Variants in GIGYF2 observed in about 807,000 individuals in gnomAD.
GIGYF2 encodes the protein GRB10 interacting GYF protein 2.
A neutral mutation model predicts 208.1 loss-of-function variants in GIGYF2; 25 were observed. The observed-to-expected ratio is 0.12, with a 90% CI of 0.09 to 0.17. GIGYF2 has a LOEUF of 0.17. Among genes scored for constraint, GIGYF2 ranks in the 10% least tolerant of loss-of-function variants. The pLI is 1.00. For missense variants in GIGYF2, 1,302 were observed against 1,579.4 expected, an observed-to-expected ratio of 0.82 and a Z score of 2.98; for synonymous variants, 534 against 543.8, an observed-to-expected ratio of 0.98 and a Z score of 0.25.
chr2:232,835,085 C>T (rs535583001), intron 22 of GIGYF2, among the ~76,000 whole-genome samples: 8 of 152,134 alleles, frequency 5.3e-5, no homozygotes, highest in Admixed American at 1.3e-4. Flanking sequence ...TGAGAACATG[C>T]AGTATTTGAC....
chr2:232,731,153 T>C (rs189512393), intron 2 of GIGYF2: 8 of 152,324 alleles, frequency 5.3e-5, no homozygotes, highest in Admixed American at 5.2e-4. Context: ...TCGTTTATAT[T>C]TCAAGACTGC....
intron 8 of GIGYF2, among the ~76,000 whole-genome samples, chr2:232,780,355 A>G (rs879643784): frequency 1.3e-5 from 2 of 152,218 alleles, no homozygotes; most frequent in Non-Finnish European, 2.9e-5. Flanking sequence ...GGGAAATTGT[A>G]TATGTAGTAC....
intron 2 of GIGYF2, among the ~76,000 whole-genome samples, chr2:232,731,660 G>C (rs1163239088): frequency 6.6e-6 from 1 of 152,212 alleles, no homozygotes; most frequent in East Asian, 1.9e-4. Context: ...TGTAAGCAGT[G>C]ATGCCTGTTT....
chr2:232,784,959 ACATACTTGCTCT>A (rs1362134761), intron 8 of GIGYF2, among the ~76,000 whole-genome samples: 2 of 152,028 alleles, frequency 1.3e-5, no homozygotes, highest in Non-Finnish European at 2.9e-5. Context: ...TCACCATGTG[ACATACTTGCTCT>A]CACTTCACCT....
At chr2:232,797,620 C>T (rs1375267629) in intron 14 of GIGYF2, among the ~76,000 whole-genome samples, 1 of 151,926 alleles carries the variant, frequency 6.6e-6, no homozygotes, top group Non-Finnish European at 1.5e-5. Flanking sequence ...ACAGCTTCCC[C>T]TGGTGGTAAC....
intron 8 of GIGYF2, among the ~76,000 whole-genome samples, chr2:232,779,539 G>A (rs1029206961): frequency 6.6e-6 from 1 of 152,160 alleles, no homozygotes; most frequent in Non-Finnish European, 1.5e-5. Flanking sequence ...AGTGTACTTG[G>A]CTTTCTTTTG....
chr2:232,706,897 G>T (rs1370605038), intron 2 of GIGYF2, among the ~76,000 whole-genome samples: 3 of 149,352 alleles, frequency 2.0e-5, no homozygotes, highest in Non-Finnish European at 4.4e-5. Flanking sequence ...ACTGAGCCGT[G>T]ATTGCACCAC....
At position 232,817,070 on chromosome 2, in the gene GIGYF2, T is replaced by C. The variant is rs533331881; in HGVS notation, c.2370+38T>C. The stretch of plus-strand genomic sequence containing the variant: ...GAACTCTGACCATAGGATTAGTGCT[T>C]GATGAGGGCTTTCAGGCTGCTTTCT... On this transcript the variant is annotated intron_variant, in intron 20 of 28. Transcript: ENST00000373563. 4 of 1,453,998 alleles carry C rather than the reference T, an allele frequency of 2.8e-6. No homozygotes were observed. The South Asian group carries it at 4.5e-5, about 17-fold the overall frequency. The allele number at this position is 1,453,998 out of a possible 1,614,324, so 90.1% of individuals were successfully genotyped here.
chr2:232,811,370 A>G lies in GIGYF2; in HGVS notation c.2006+19A>G, dbSNP rs764249248. The G allele has an allele frequency of 4.0e-6, 5 of 1,244,288 alleles. No homozygotes were observed. Among genetic ancestry groups the G allele is most frequent in the African/African-American group, 2.9e-5 (2 of 67,994 alleles). The allele number at this position is 1,244,288 out of a possible 1,614,324, so 77.1% of individuals were successfully genotyped here. A position where few individuals can be genotyped will look rare whatever the true frequency, so the allele number is the denominator to read the frequency against. On this transcript the variant is annotated intron_variant, in intron 17 of 28. Coordinates refer to ENST00000373563, the MANE Select transcript of GIGYF2 (RefSeq NM_001103146.3). ...AGATGAGGTTGGTGGTCATTCCATT[A>G]TGTGTCATATGGGGTGCATGTGTTG...
intron 8 of GIGYF2, chr2:232,776,456 C>T (rs1699517285): frequency 1.3e-6 from 2 of 1,598,706 alleles, no homozygotes; most frequent in South Asian, 1.1e-5. Context: ...AGTTCTTTTG[C>T]TGGGTCAGCC....
intron 2 of GIGYF2, among the ~76,000 whole-genome samples, chr2:232,724,393 G>A (rs1361153988): frequency 1.3e-5 from 2 of 151,804 alleles, no homozygotes; most frequent in Admixed American, 1.3e-4. Flanking sequence ...GACTGCATTT[G>A]TGGTCTTCCC....
chr2:232,732,433 A>G (rs1293691211), intron 2 of GIGYF2, among the ~76,000 whole-genome samples: 2 of 152,074 alleles, frequency 1.3e-5, no homozygotes, highest in Admixed American at 6.5e-5. Context: ...CTGTTATACA[A>G]TAAATTTAGT....
rs112031790 is a variant in GIGYF2 at position 232,816,236 on chromosome 2, A to G, written c.2208+499A>G. 5.7e-3 allele frequency among the ~76,000 whole-genome samples: 875 copies of G among 152,300 alleles called. 3 individuals are homozygous for G. Among genetic ancestry groups the G allele is most frequent in the African/African-American group, 0.02 (834 of 41,570 alleles). On this transcript the variant is annotated intron_variant, in intron 19 of 28. Coordinates refer to ENST00000373563, the MANE Select transcript of GIGYF2 (RefSeq NM_001103146.3). ...CTAAATCTTGAATTTTGGTTTTAGT[A>G]CTTGCCAGAAAAGAATGTCTACATC... is the stretch of plus-strand genomic sequence containing the variant.
intron 2 of GIGYF2, among the ~76,000 whole-genome samples, chr2:232,713,889 G>C (rs1696543531): frequency 6.6e-6 from 1 of 151,602 alleles, no homozygotes; most frequent in African/African-American, 2.4e-5. Context: ...ACTTTGCTAG[G>C]TTTGTCCACT....
chr2:232,794,405 T>C (rs945598270), intron 12 of GIGYF2, among the ~76,000 whole-genome samples: 2 of 152,218 alleles, frequency 1.3e-5, no homozygotes, highest in African/African-American at 4.8e-5. Flanking sequence ...TTAGGGTGCA[T>C]TGTTAACTTT....
At chr2:232,774,945 T>C (rs570928330) in intron 8 of GIGYF2, among the ~76,000 whole-genome samples, 26 of 152,364 alleles carry the variant, frequency 1.7e-4, no homozygotes, top group Admixed American at 1.7e-3. Flanking sequence ...CCTACAACTT[T>C]TGTAGCACTC....
At chr2:232,788,929 C>A (rs1209855975) in intron 9 of GIGYF2, among the ~76,000 whole-genome samples, 1 of 151,994 alleles carries the variant, frequency 6.6e-6, no homozygotes, top group African/African-American at 2.4e-5. Flanking sequence ...AGTGTAAATG[C>A]ATTTTAAAAA....
rs1559165595 is a variant in GIGYF2 at position 232,844,096 on chromosome 2, A to AG, written c.2940_2941insG (p.Gln981AlafsTer51). The stretch of plus-strand genomic sequence containing the variant: ...TGAAAGCTCTTCAGCAGCAGCAGCA[A>AG]CAGCAACAGCAGAAACTCTCAGGTT... On this transcript the variant is annotated frameshift_variant, in exon 24 of 29. Coordinates refer to ENST00000373563, the MANE Select transcript of GIGYF2 (RefSeq NM_001103146.3). LOFTEE classifies it high-confidence loss of function. 31 of 1,602,374 alleles carry AG rather than the reference A, an allele frequency of 1.9e-5. No individual in the cohort carries two copies. The East Asian group carries it at 3.4e-4, about 17-fold the overall frequency.
chr2:232,813,177 T>C (rs938843241), intron 18 of GIGYF2, among the ~76,000 whole-genome samples: 1 of 150,630 alleles, frequency 6.6e-6, no homozygotes, highest in South Asian at 2.1e-4. Flanking sequence ...CACCGCTGTT[T>C]CTTTGCTTTC....
Sources: allele counts gnomAD v4.1 joint callset (sites outside exome capture counted in the v4.1 genomes callset), GRCh38; gene constraint gnomAD v4.1.1; transcripts MANE v1.5; gene names NCBI Gene and HGNC (gene_info 2026-07-23, HGNC 2026-07-21).